The following MCU variants were observed in gnomAD, a reference collection of about 807,000 sequenced individuals.
MCU encodes the protein mitochondrial calcium uniporter.
MCU carries 12 observed loss-of-function variants against 45.2 expected under a neutral mutation model. The ratio of observed to expected loss-of-function variants is 0.27; its 90% CI spans 0.17 to 0.43. The LOEUF (loss-of-function observed/expected upper bound fraction) is 0.43. Ranked by LOEUF, MCU falls within the 20% of genes least tolerant of loss-of-function variation. MCU has a pLI of 1.00. For missense variants in MCU, 324 were observed against 436.7 expected, an observed-to-expected ratio of 0.74 and a Z score of 2.30; for synonymous variants, 160 against 165.1, an observed-to-expected ratio of 0.97 and a Z score of 0.24.
chr10:72,831,653 G>T (rs566035358), intron 1 of MCU, among the ~76,000 whole-genome samples: 2 of 152,294 alleles, frequency 1.3e-5, no homozygotes, highest in Admixed American at 1.3e-4. Context: ...GGTGTTAAAT[G>T]TATGGGGGGA....
intron 1 of MCU, among the ~76,000 whole-genome samples, chr10:72,804,316 CA>C (rs1201232924): frequency 6.6e-6 from 1 of 151,388 alleles, no homozygotes; most frequent in Non-Finnish European, 1.5e-5. Context: ...CACAAACTCC[CA>C]ACCTCAGGTG....
intron 1 of MCU, among the ~76,000 whole-genome samples, chr10:72,822,921 A>G (rs1844736202): frequency 6.6e-6 from 1 of 152,202 alleles, no homozygotes; most frequent in South Asian, 2.1e-4. Flanking sequence ...ATGTAATGTA[A>G]AATATTGCAG....
chr10:72,705,049 G>T (rs771351246), intron 1 of MCU, among the ~76,000 whole-genome samples: 8 of 151,738 alleles, frequency 5.3e-5, no homozygotes, highest in Non-Finnish European at 1.0e-4. Context: ...TTTTGTAGAG[G>T]TGAGGGTCTT....
At chr10:72,785,028 A>G (rs1589458488) in intron 1 of MCU, among the ~76,000 whole-genome samples, 1 of 152,310 alleles carries the variant, frequency 6.6e-6, no homozygotes, top group East Asian at 1.9e-4. Context: ...GCTTCTACAT[A>G]GTACAGGGAT....
chr10:72,869,591 C>T (rs1845508891), intron 5 of MCU, among the ~76,000 whole-genome samples: 1 of 151,696 alleles, frequency 6.6e-6, no homozygotes, highest in African/African-American at 2.4e-5. Flanking sequence ...GTCTCAAAAA[C>T]AAACAAACAA....
chr10:72,848,072 G>A (rs1845148198), intron 2 of MCU, among the ~76,000 whole-genome samples: 1 of 152,152 alleles, frequency 6.6e-6, no homozygotes, highest in East Asian at 1.9e-4. Flanking sequence ...CTGATTTGAT[G>A]TGGGTGACAC....
At chr10:72,819,495 T>C (rs997839194) in intron 1 of MCU, among the ~76,000 whole-genome samples, 3 of 152,232 alleles carry the variant, frequency 2.0e-5, no homozygotes, top group Non-Finnish European at 4.4e-5. Flanking sequence ...TTATTAAATA[T>C]AAAGCAAGGG....
chr10:72,789,866 C>T (rs572763755), intron 1 of MCU, among the ~76,000 whole-genome samples: 3 of 152,148 alleles, frequency 2.0e-5, no homozygotes, highest in African/African-American at 7.2e-5. Context: ...CTTTTAAAGG[C>T]ATTTCAGACT....
intron 3 of MCU, 175 bp from the exon 4 acceptor site, chr10:72,860,248 G>A (rs752803909): frequency 1.0e-4 from 60 of 576,280 alleles, no homozygotes; most frequent in Admixed American, 4.2e-4. Context: ...ACAAACTTGA[G>A]TCCTAAAAAC....
At chr10:72,773,726 G>T (rs1843847324) in intron 1 of MCU, among the ~76,000 whole-genome samples, 1 of 152,050 alleles carries the variant, frequency 6.6e-6, no homozygotes, top group African/African-American at 2.4e-5. Context: ...CCTAAAAGCA[G>T]CAAAGAAAAG....
At chr10:72,776,434 A>G (rs1353004162) in intron 1 of MCU, among the ~76,000 whole-genome samples, 1 of 152,218 alleles carries the variant, frequency 6.6e-6, no homozygotes, top group South Asian at 2.1e-4. Flanking sequence ...ATCAATAAAC[A>G]TGATATATCA....
At chr10:72,866,455 TGGCGCAATCTC>T (rs755161248) in intron 4 of MCU, among the ~76,000 whole-genome samples, 78 of 152,330 alleles carry the variant, frequency 5.1e-4, no homozygotes, top group Non-Finnish European at 1.0e-3. Flanking sequence ...TGGAGTACAG[TGGCGCAATCTC>T]GGCTTACTGC....
intron 2 of MCU, among the ~76,000 whole-genome samples, chr10:72,848,890 A>C (rs984500085): frequency 1.3e-5 from 2 of 152,184 alleles, no homozygotes; most frequent in African/African-American, 2.4e-5. Context: ...TAAGGACTCC[A>C]ATTACAATGT....
chr10:72,720,068 A>G lies in MCU; in HGVS notation c.150+27767A>G, dbSNP rs151285256. ...TTAAATTTTTTTTTTTGGAGAGACA[A>G]GGTCTCACTAGGTTGCCCAGCTGGT... On this transcript the variant is annotated intron_variant, in intron 1 of 7. Coordinates refer to ENST00000373053, the MANE Select transcript of MCU (RefSeq NM_138357.3). Among the ~76,000 whole-genome samples the G allele has an allele frequency of 7.8e-4, 119 of 152,046 alleles. 1 individual carries two copies. The highest frequency in any genetic ancestry group is 1.4e-3 in the East Asian group (7 of 5,160).
At position 72,790,257 on chromosome 10, in the gene MCU, G is replaced by T. The variant is rs1442625446; in HGVS notation, c.151-44102G>T. 2.0e-5 allele frequency among the ~76,000 whole-genome samples: 3 copies of T among 152,178 alleles called. No individual in the cohort carries two copies. The East Asian group carries it at 5.8e-4, about 29-fold the overall frequency. ...GCAAAATTCACCAAAGAAGATGGGGGAAAACACATTCCCTGAATCTGTACC... is the reference window on the plus strand; with the variant it reads ...GCAAAATTCACCAAAGAAGATGGGGTAAAACACATTCCCTGAATCTGTACC... On this transcript the variant is annotated intron_variant, in intron 1 of 7. Coordinates refer to ENST00000373053, the MANE Select transcript of MCU (RefSeq NM_138357.3).
At chr10:72,735,934 T>G (rs969763457) in intron 1 of MCU, among the ~76,000 whole-genome samples, 7 of 152,234 alleles carry the variant, frequency 4.6e-5, no homozygotes, top group Admixed American at 3.3e-4. Flanking sequence ...TAGGAGACTG[T>G]CATTTCCCAT....
intron 1 of MCU, among the ~76,000 whole-genome samples, chr10:72,694,879 G>T (rs919806712): frequency 6.6e-6 from 1 of 152,204 alleles, no homozygotes; most frequent in African/African-American, 2.4e-5. Context: ...CAATTATGAA[G>T]TTATAAACTT....
chr10:72,731,466 T>A (rs1347090816), intron 1 of MCU, among the ~76,000 whole-genome samples: 1 of 152,190 alleles, frequency 6.6e-6, no homozygotes, highest in Non-Finnish European at 1.5e-5. Context: ...CCAGTTCGCA[T>A]AACATAACAT....
intron 1 of MCU, among the ~76,000 whole-genome samples, chr10:72,740,002 C>T (rs971550257): frequency 3.3e-5 from 5 of 151,726 alleles, no homozygotes; most frequent in African/African-American, 1.2e-4. Context: ...ATTCTCTTCT[C>T]TTATGATCCC....
Sources: gnomAD v4.1 joint callset for allele counts (sites outside exome capture counted in the v4.1 genomes callset) on GRCh38, gnomAD v4.1.1 for gene constraint, MANE v1.5 for transcripts, NCBI Gene and HGNC (gene_info 2026-07-23, HGNC 2026-07-21) for gene names.